VARS1: variants seen among roughly 807,000 people sequenced by gnomAD.
The protein encoded by VARS1 is valine--tRNA ligase.
A neutral mutation model predicts 161.0 loss-of-function variants in VARS1; 92 were observed. The ratio of observed to expected loss-of-function variants is 0.57; its 90% CI spans 0.48 to 0.68. The LOEUF is 0.68. Ranked by LOEUF, VARS1 falls within the 30% of genes least tolerant of loss-of-function variation. The probability of loss-of-function intolerance (pLI) is 0.00; values close to 1 mark genes in which losing one functional copy is unlikely to be tolerated. For missense variants in VARS1, 1,338 were observed against 1,695.9 expected, an observed-to-expected ratio of 0.79 and a Z score of 3.71; for synonymous variants, 595 against 682.5, an observed-to-expected ratio of 0.87 and a Z score of 2.00.
At position 31,795,232 on chromosome 6, in the gene VARS1, CCGAA is replaced by C. The variant is rs1230076363; in HGVS notation, c.-19_-16del. 2 of 1,404,040 alleles carry C rather than the reference CCGAA, an allele frequency of 1.4e-6. No homozygotes were observed. Among genetic ancestry groups the C allele is most frequent in the African/African-American group, 1.4e-5 (1 of 70,278 alleles). The allele number at this position is 1,404,040 out of a possible 1,614,324, so 87.0% of individuals were successfully genotyped here. Reference sequence around the variant, plus strand: ...AGGGTGGACATAGTTATGAGAAGGTCCGAACGAAGTGGAAAAACCTAAGGAGAAA... The same window carrying C: ...AGGGTGGACATAGTTATGAGAAGGTCCGAAGTGGAAAAACCTAAGGAGAAA... On this transcript the variant is annotated 5_prime_UTR_variant, in exon 2 of 30. Coordinates refer to ENST00000375663, the MANE Select transcript of VARS1 (RefSeq NM_006295.3). This position sits in a 1 kb window ranked among gnomAD's most constrained non-coding sequence, Gnocchi z 6.9.
rs1386785058 is a variant in VARS1, at chr6:31,791,975, G to A, written c.872-4C>T. 6.3e-7 allele frequency: 1 copy of A among 1,579,178 alleles called. No homozygotes were observed. On this transcript the variant is annotated splice_polypyrimidine_tract_variant and splice_region_variant and intron_variant, in intron 6 of 29. Transcript: ENST00000375663. This position sits in a 1 kb window ranked among gnomAD's most constrained non-coding sequence, Gnocchi z 5.0. ...TCGGGCATGGGGCCACTGACATCTG[G>A]GGGAGAGGAAGGGAGGGCTCAGTGC...
In VARS1 at chr6:31,781,727, G is replaced by A; in HGVS notation, c.2382C>T (p.Gly794=). The A allele has an allele frequency of 1.9e-6, 3 of 1,613,032 alleles. No individual in the cohort carries two copies. The highest frequency in any genetic ancestry group is 2.5e-6 in the Non-Finnish European group (3 of 1,179,998). The change falls in exon 20 of 30, where the codon GGC becomes GGT. Residue 794 remains glycine, a synonymous_variant. Transcript: ENST00000375663. This position sits in a 1 kb window ranked among gnomAD's most constrained non-coding sequence, Gnocchi z 6.8. ...EDVLDTWFSS[G]LFPLSILGWP... is the part of the protein sequence containing the mutation. Reference sequence around the variant, plus strand: ...AGCCCAAAATGGATAAGGGGAAGAGGCCAGAGGAGAACCAGGTATCCAATA... The same window carrying A: ...AGCCCAAAATGGATAAGGGGAAGAGACCAGAGGAGAACCAGGTATCCAATA...
At chr6:31,783,943 G>A (rs189421244) in intron 13 of VARS1, among the ~76,000 whole-genome samples, 10 of 152,284 alleles carry the variant, frequency 6.6e-5, no homozygotes, top group Non-Finnish European at 1.5e-4. Flanking sequence ...TTACAGGCAT[G>A]AGCCACCGTG....
chr6:31,784,598 A>C lies in VARS1; in HGVS notation c.1464T>G (p.Ile488Met). The C allele has an allele frequency of 6.2e-7, 1 of 1,613,294 alleles. No individual in the cohort carries two copies. The highest frequency in any genetic ancestry group is 8.5e-7 in the Non-Finnish European group (1 of 1,180,036). Residue 488 changes from isoleucine (I) to methionine (M), a missense_variant, in exon 11 of 30, where the codon ATT becomes ATG. Coordinates refer to ENST00000375663, the MANE Select transcript of VARS1 (RefSeq NM_006295.3). This position sits in a 1 kb window ranked among gnomAD's most constrained non-coding sequence, Gnocchi z 6.1. Reference sequence around the variant, plus strand: ...CAGGCCAGGTTGGGGGGCGCACCTCAATGTCAGAGATGGCGGAGTTGAGGG... The same window carrying C: ...CAGGCCAGGTTGGGGGGCGCACCTCCATGTCAGAGATGGCGGAGTTGAGGG... ...SCTLNSAISD[I>M]EVDKKELTGR...
Position 31,781,021 on chromosome 6 carries a change from G to T in VARS1, c.2647C>A (p.Gln883Lys). The change falls in exon 22 of 30, where the codon CAG (glutamine) becomes AAG (lysine). Residue 883 changes from glutamine to lysine, a missense_variant and splice_region_variant. Gln to Lys is a moderately conservative substitution (Grantham distance 53). Transcript: ENST00000375663. This position sits in a 1 kb window ranked among gnomAD's most constrained non-coding sequence, Gnocchi z 6.8. ...GGCTGGCCCAGCACCCAGCCCACCT[G>T]CAGGGAGATTCCATAGATGACGTCC... ...PLDVIYGISL[Q>K]GLHNQLLNSN... The T allele has an allele frequency of 6.2e-7, 1 of 1,614,124 alleles. No individual in the cohort carries two copies. The highest frequency in any genetic ancestry group is 8.5e-7 in the Non-Finnish European group (1 of 1,180,040).
rs915432003 is a variant in VARS1, at chr6:31,781,631, G to A, written c.2419-25C>T. 11 of 1,612,812 alleles carry A rather than the reference G, an allele frequency of 6.8e-6. 1 individual carries two copies. The Middle Eastern group carries it at 1.5e-3, about 217-fold the overall frequency. On this transcript the variant is annotated intron_variant, in intron 20 of 29. Coordinates refer to ENST00000375663, the MANE Select transcript of VARS1 (RefSeq NM_006295.3). The surrounding 1 kb of genome is among the most constrained non-coding windows in gnomAD (Gnocchi z 6.8). Reference sequence around the variant, plus strand: ...ACTGAGGGCAGACCAGGGTGTGAAGGGGAGCCAACACCCACCCTCCAGTCC... The same window carrying A: ...ACTGAGGGCAGACCAGGGTGTGAAGAGGAGCCAACACCCACCCTCCAGTCC...
At position 31,792,313 on chromosome 6, in the gene VARS1, G is replaced by A; in HGVS notation, c.787-12C>T. 6.2e-7 allele frequency: 1 copy of A among 1,613,810 alleles called. No individual in the cohort carries two copies. The highest frequency in any genetic ancestry group is 8.5e-7 in the Non-Finnish European group (1 of 1,179,960). ...GGTTTTGGTTTCTTCTGCTTGGGAG[G>A]GAGAAGACATAGGCCCAGGCATCAG... On this transcript the variant is annotated splice_polypyrimidine_tract_variant and intron_variant, in intron 5 of 29. Transcript: ENST00000375663.
chr6:31,791,487 A>G lies in VARS1; in HGVS notation c.1100+123T>C. The G allele has an allele frequency of 7.4e-7, 1 of 1,348,568 alleles. No individual in the cohort carries two copies. The highest frequency in any genetic ancestry group is 9.9e-7 in the Non-Finnish European group (1 of 1,008,000). 83.5% of individuals were successfully genotyped at this position (1,348,568 alleles called of 1,614,324 possible). A position where few individuals can be genotyped will look rare whatever the true frequency, so the allele number is the denominator to read the frequency against. On this transcript the variant is annotated intron_variant, in intron 8 of 29. Coordinates refer to ENST00000375663, the MANE Select transcript of VARS1 (RefSeq NM_006295.3). The surrounding 1 kb of genome is among the most constrained non-coding windows in gnomAD (Gnocchi z 5.0). ...AGATTGGAATGACAGAGAGAAGTGT[A>G]GCACCACTGGGGGCAGAAGTGAGCA...
At chr6:31,783,735 C>T (rs1319606675) in intron 13 of VARS1, among the ~76,000 whole-genome samples, 2 of 149,754 alleles carry the variant, frequency 1.3e-5, no homozygotes, top group African/African-American at 4.9e-5. Flanking sequence ...GATCTCAGCT[C>T]ACTGCAACCT....
In VARS1 at chr6:31,779,605, T is replaced by C; in HGVS notation, c.3288+3A>G. 1.9e-6 allele frequency: 3 copies of C among 1,612,068 alleles called. No homozygotes were observed. Among genetic ancestry groups the C allele is most frequent in the Non-Finnish European group, 2.5e-6 (3 of 1,179,462 alleles). On this transcript the variant is annotated splice_donor_region_variant and intron_variant, in intron 27 of 29. Transcript: ENST00000375663. This position sits in a 1 kb window ranked among gnomAD's most constrained non-coding sequence, Gnocchi z 9.1. ...AGACTCCCCTCTCCAGGCCATGCCA[T>C]ACCTCTGAGGGCTCCGGGTAGGGGG...
rs770966756 is a variant in VARS1 at position 31,795,214 on chromosome 6, A to T, written c.4T>A (p.Ser2Thr). The change falls in exon 2 of 30, where the codon TCC becomes ACC. Residue 2 changes from serine to threonine, a missense_variant. Ser to Thr is a moderately conservative substitution (Grantham distance 58). Around this residue, in one of 3 missense-constraint regions of VARS1, gnomAD observed 902 missense variants for 1,090.3 expected, o/e 0.83. Coordinates refer to ENST00000375663, the MANE Select transcript of VARS1 (RefSeq NM_006295.3). The surrounding 1 kb of genome is among the most constrained non-coding windows in gnomAD (Gnocchi z 6.9). ...GGGTGAGGGGAGACGTAGAGGGTGG[A>T]CATAGTTATGAGAAGGTCCGAACGA... MSTLYVSPHPDA... is the reference protein window; with the variant it reads MTTLYVSPHPDA... 1 of 1,442,316 alleles carries T rather than the reference A, an allele frequency of 6.9e-7. No individual in the cohort carries two copies. Among genetic ancestry groups the T allele is most frequent in the African/African-American group, 1.4e-5 (1 of 70,768 alleles). The allele number at this position is 1,442,316 out of a possible 1,614,324, so 89.3% of individuals were successfully genotyped here.
At position 31,792,316 on chromosome 6, in the gene VARS1, G is replaced by C. The variant is rs747228574; in HGVS notation, c.787-15C>G. 2.5e-6 allele frequency: 4 copies of C among 1,613,682 alleles called. No homozygotes were observed. In the Admixed American group the frequency reaches 6.7e-5, roughly 27 times the overall value. On this transcript the variant is annotated splice_polypyrimidine_tract_variant and intron_variant, in intron 5 of 29. Transcript: ENST00000375663. ...TTTGGTTTCTTCTGCTTGGGAGGGA[G>C]AAGACATAGGCCCAGGCATCAGCCA...
Position 31,785,691 on chromosome 6 carries a change from A to G in VARS1, c.1143T>C (p.Cys381=). ...RGETTLWNPG[C]DHAGIATQVV... ...CCTGGGTGGCAATACCTGCATGGTCACAGCCAGGGTTCCACAGGGTGGTCT... is the reference window on the plus strand; with the variant it reads ...CCTGGGTGGCAATACCTGCATGGTCGCAGCCAGGGTTCCACAGGGTGGTCT... Residue 381 remains cysteine (C), a synonymous_variant, in exon 9 of 30, where the codon TGT becomes TGC. Transcript: ENST00000375663. This position sits in a 1 kb window ranked among gnomAD's most constrained non-coding sequence, Gnocchi z 6.1. 1 of 1,612,916 alleles carries G rather than the reference A, an allele frequency of 6.2e-7. No homozygotes were observed. The highest frequency in any genetic ancestry group is 8.5e-7 in the Non-Finnish European group (1 of 1,180,018).
Position 31,784,785 on chromosome 6 carries a change from C to T in VARS1, c.1348-71G>A, listed in dbSNP as rs1435345095. On this transcript the variant is annotated intron_variant, in intron 10 of 29. Coordinates refer to ENST00000375663, the MANE Select transcript of VARS1 (RefSeq NM_006295.3). The surrounding 1 kb of genome is among the most constrained non-coding windows in gnomAD (Gnocchi z 6.1). The stretch of plus-strand genomic sequence containing the variant: ...GAGGCCCAGGCAGACACCCAGGGCT[C>T]CAGTGAGGCCTTGCCCATACAGAGT... The T allele has an allele frequency of 4.9e-5, 78 of 1,602,616 alleles. No homozygotes were observed. The highest frequency in any genetic ancestry group is 8.5e-6 in the Non-Finnish European group (10 of 1,174,896).
chr6:31,790,281 C>A (rs1484843783), intron 8 of VARS1, among the ~76,000 whole-genome samples: 2 of 151,598 alleles, frequency 1.3e-5, no homozygotes, highest in Non-Finnish European at 2.9e-5. Flanking sequence ...AAACAAAAAA[C>A]AAAAAACAGA....
At chr6:31,787,010 G>A (rs1306670309) in intron 8 of VARS1, among the ~76,000 whole-genome samples, 1 of 146,962 alleles carries the variant, frequency 6.8e-6, no homozygotes, top group Non-Finnish European at 1.5e-5. Context: ...AGGACTGCTT[G>A]AGCCCAGGAG....
At chr6:31,789,588 G>A (rs1165420983) in intron 8 of VARS1, among the ~76,000 whole-genome samples, 2 of 152,108 alleles carry the variant, frequency 1.3e-5, no homozygotes, top group African/African-American at 2.4e-5. Flanking sequence ...TGCCCCTGCC[G>A]ACCTAGCAGT....
At chr6:31,788,125 A>G (rs1172918388) in intron 8 of VARS1, among the ~76,000 whole-genome samples, 3 of 146,138 alleles carry the variant, frequency 2.1e-5, no homozygotes, top group Admixed American at 6.8e-5. Flanking sequence ...ATTTCCAAAG[A>G]AAAAAAAAAA....
chr6:31,790,104 T>TAA (rs536213828), intron 8 of VARS1, among the ~76,000 whole-genome samples: 1 of 143,904 alleles, frequency 6.9e-6, no homozygotes, highest in Non-Finnish European at 1.5e-5. Context: ...GCTGATGAGC[T>TAA]AAAAAAAAAA....
Sources: gnomAD v4.1 joint callset for allele counts (sites outside exome capture counted in the v4.1 genomes callset) on GRCh38, gnomAD v4.1.1 for gene constraint, gnomAD v4.1.1 regional missense constraint, Gnocchi (gnomAD v3.1) non-coding constraint, MANE v1.5 for transcripts, NCBI Gene and HGNC (gene_info 2026-07-23, HGNC 2026-07-21) for gene names.